The following TUBGCP3 variants were observed in gnomAD, a reference collection of about 807,000 sequenced individuals.
TUBGCP3 encodes the protein gamma-tubulin complex component 3.
A neutral mutation model predicts 123.1 loss-of-function variants in TUBGCP3; 50 were observed. That is an observed-to-expected ratio of 0.41 (90% confidence interval 0.32 to 0.51). The LOEUF is 0.51. Among genes scored for constraint, TUBGCP3 ranks in the 20% least tolerant of loss-of-function variants. The pLI, the probability that TUBGCP3 is intolerant of heterozygous loss-of-function variation, is 0.36. For synonymous variants in TUBGCP3, 405 were observed against 413.9 expected (o/e 0.98, Z 0.26); for missense variants, 882 against 1,127.0 (o/e 0.78, Z 3.11).
At chr13:112,553,031 G>A (rs1382388183) in intron 8 of TUBGCP3, among the ~76,000 whole-genome samples, 2 of 142,452 alleles carry the variant, frequency 1.4e-5, no homozygotes, top group Non-Finnish European at 3.0e-5. Flanking sequence ...CTCCTCACTA[G>A]CCACATTCCC....
chr13:112,576,850 A>G (rs1437886942), intron 1 of TUBGCP3, among the ~76,000 whole-genome samples: 1 of 152,072 alleles, frequency 6.6e-6, no homozygotes, highest in Non-Finnish European at 1.5e-5. Context: ...ATATGATAAA[A>G]TCTGGAAAAA....
At chr13:112,593,226 C>G in the TUBGCP3 span, among the ~76,000 whole-genome samples, 16 of 152,226 alleles carry the variant, frequency 1.1e-4, no homozygotes, top group South Asian at 3.3e-3. Flanking sequence ...TGTAACAAGG[C>G]TGGCCAACAT....
intron 10 of TUBGCP3, 112 bp downstream of exon 10, chr13:112,547,508 G>T (rs1044208971): frequency 3.2e-5 from 43 of 1,334,044 alleles, no homozygotes; most frequent in Non-Finnish European, 2.9e-6. Flanking sequence ...CCAGACGCGC[G>T]TGGGAAAGAC....
chr13:112,565,663 G>A (rs565866789), intron 2 of TUBGCP3, among the ~76,000 whole-genome samples: 21 of 152,266 alleles, frequency 1.4e-4, no homozygotes, highest in East Asian at 1.4e-3. Flanking sequence ...GGCTGGGCGC[G>A]GTGGCTCACG....
At chr13:112,577,316 G>A (rs1360663152) in intron 1 of TUBGCP3, among the ~76,000 whole-genome samples, 1 of 152,150 alleles carries the variant, frequency 6.6e-6, no homozygotes, top group African/African-American at 2.4e-5. Flanking sequence ...TCACCCTGGT[G>A]GCAGGTATCC....
At chr13:112,531,366 A>C (rs549254202) in intron 11 of TUBGCP3, among the ~76,000 whole-genome samples, 1 of 152,230 alleles carries the variant, frequency 6.6e-6, no homozygotes, top group East Asian at 1.9e-4. Context: ...GGTAAACAGC[A>C]GTACTATCAC....
At chr13:112,574,630 A>AGTCATCTCC (rs1197357893) in intron 1 of TUBGCP3, among the ~76,000 whole-genome samples, 1 of 152,250 alleles carries the variant, frequency 6.6e-6, no homozygotes, top group African/African-American at 2.4e-5. Flanking sequence ...TAGAGACAGA[A>AGTCATCTCC]GTCATCTCCG....
intron 17 of TUBGCP3, among the ~76,000 whole-genome samples, chr13:112,505,654 T>C (rs548471706): frequency 5.8e-4 from 88 of 152,380 alleles, no homozygotes; most frequent in African/African-American, 2.1e-3. Context: ...GTTTAACACA[T>C]GACAGCTTCG....
intron 1 of TUBGCP3, among the ~76,000 whole-genome samples, chr13:112,571,984 G>A (rs1037589328): frequency 6.6e-6 from 1 of 152,134 alleles, no homozygotes; most frequent in Non-Finnish European, 1.5e-5. Flanking sequence ...GGAATGCTGT[G>A]GCTGGTTTGA....
At chr13:112,505,107 T>C (rs1566537970) in intron 17 of TUBGCP3, among the ~76,000 whole-genome samples, 1 of 152,198 alleles carries the variant, frequency 6.6e-6, no homozygotes, top group Non-Finnish European at 1.5e-5. Flanking sequence ...CCTGGCTCTC[T>C]GGAGATAAAG....
intron 11 of TUBGCP3, among the ~76,000 whole-genome samples, chr13:112,542,334 A>C (rs1878588402): frequency 6.6e-6 from 1 of 152,202 alleles, no homozygotes; most frequent in African/African-American, 2.4e-5. Flanking sequence ...ACAGCTATCA[A>C]AACTCACCTC....
At position 112,545,541 on chromosome 13, in the gene TUBGCP3, C is replaced by T; in HGVS notation, c.1335+158G>A. The T allele has an allele frequency of 1.4e-6, 1 of 727,658 alleles. No individual in the cohort carries two copies. 45.1% of individuals were successfully genotyped at this position (727,658 alleles called of 1,614,324 possible). A position where few individuals can be genotyped will look rare whatever the true frequency, so the allele number is the denominator to read the frequency against. ...ATCTGCTGTTCAGTGAGATAACCAG[C>T]TGTCGAGGCACTGTGTAAAATGTAT... On this transcript the variant is annotated intron_variant, in intron 11 of 21. Transcript: ENST00000261965. This position sits in a 1 kb window ranked among gnomAD's most constrained non-coding sequence, Gnocchi z 4.1.
At chr13:112,600,942 CT>C in the TUBGCP3 span, among the ~76,000 whole-genome samples, 1 of 152,086 alleles carries the variant, frequency 6.6e-6, no homozygotes, top group Non-Finnish European at 1.5e-5. Context: ...AATCCCAGCA[CT>C]TTGAGAGGCC....
rs1879627584 is a variant in TUBGCP3, at chr13:112,485,950, T to C, written c.*43A>G. 7.3e-7 allele frequency: 1 copy of C among 1,378,018 alleles called. No homozygotes were observed. Among genetic ancestry groups the C allele is most frequent in the Admixed American group, 2.5e-5 (1 of 40,524 alleles). The allele number at this position is 1,378,018 out of a possible 1,614,324, so 85.4% of individuals were successfully genotyped here. A position where few individuals can be genotyped will look rare whatever the true frequency, so the allele number is the denominator to read the frequency against. Reference sequence around the variant, plus strand: ...TCAATGGGAATTTCGTGTCTAGCAGTGCAACGAACATCACCCGCAGCTCCC... The same window carrying C: ...TCAATGGGAATTTCGTGTCTAGCAGCGCAACGAACATCACCCGCAGCTCCC... On this transcript the variant is annotated 3_prime_UTR_variant, in exon 22 of 22. Transcript: ENST00000261965.
intron 11 of TUBGCP3, among the ~76,000 whole-genome samples, chr13:112,536,194 T>C (rs1878041006): frequency 1.3e-5 from 2 of 152,268 alleles, no homozygotes; most frequent in Non-Finnish European, 2.9e-5. Flanking sequence ...TTTGTTCAAC[T>C]TTGTTCTTTT....
Position 112,489,598 on chromosome 13 carries a change from A to G in TUBGCP3, c.2548T>C (p.Leu850=). The change falls in exon 21 of 22, where the codon TTG becomes CTG. Residue 850 remains leucine, a synonymous_variant. Transcript: ENST00000261965. The part of the protein sequence containing the change: ...IPKMCSQLRI[L]THFYQGIVQQ... ...ATACACACCTGGTAGAAATGGGTCA[A>G]TATTCGCAACTGTGAGCACATTTTT... 1.2e-6 allele frequency: 2 copies of G among 1,613,976 alleles called. No homozygotes were observed. The highest frequency in any genetic ancestry group is 1.7e-6 in the Non-Finnish European group (2 of 1,179,782).
rs550482490 is a variant in TUBGCP3 at position 112,558,423 on chromosome 13, G to C, written c.331-10C>G. 2.7e-5 allele frequency: 42 copies of C among 1,533,796 alleles called. No homozygotes were observed. In the South Asian group the frequency reaches 4.6e-4, roughly 17 times the overall value. On this transcript the variant is annotated splice_polypyrimidine_tract_variant and intron_variant, in intron 4 of 21. Coordinates refer to ENST00000261965, the MANE Select transcript of TUBGCP3 (RefSeq NM_006322.6). ...TAGCATAGCTAGAAACCTGAAAAGA[G>C]AAACACACTAAGAGCAGAGACAGGA...
At chr13:112,489,925 CTCTGT>C in intron 20 of TUBGCP3, 1 of 550,914 alleles carries the variant, frequency 1.8e-6, no homozygotes, top group South Asian at 2.5e-5. Flanking sequence ...TTGAGACTGC[CTCTGT>C]TGTTTTTAAT....
upstream of TUBGCP3, among the ~76,000 whole-genome samples, chr13:112,590,139 G>A (rs1292431001): frequency 6.6e-6 from 1 of 152,074 alleles, no homozygotes; most frequent in African/African-American, 2.4e-5. Context: ...ACCATGCCGG[G>A]CTAATTTTTT....
Sources: gnomAD v4.1 joint callset for allele counts (sites outside exome capture counted in the v4.1 genomes callset) on GRCh38, gnomAD v4.1.1 for gene constraint, Gnocchi (gnomAD v3.1) non-coding constraint, MANE v1.5 for transcripts, NCBI Gene and HGNC (gene_info 2026-07-23, HGNC 2026-07-21) for gene names.